Variants in LIPG observed in about 807,000 individuals in gnomAD.
LIPG encodes the protein lipase G, endothelial type, also known as endothelial lipase.
Under a neutral mutation model 51.8 loss-of-function variants are expected in LIPG, and 34 were observed. The observed-to-expected ratio is 0.66, with a 90% CI of 0.50 to 0.87. LIPG has a LOEUF of 0.87. Ranked by LOEUF, LIPG falls within the 40% of genes least tolerant of loss-of-function variation. LIPG has a pLI of 0.00. For synonymous variants in LIPG, 246 were observed against 246.1 expected, an observed-to-expected ratio of 1.00 and a Z score of 0.00; for missense variants, 580 against 652.7, an observed-to-expected ratio of 0.89 and a Z score of 1.21.
intron 3 of LIPG, among the ~76,000 whole-genome samples, chr18:49,568,661 G>T (rs1309041277): frequency 1.3e-5 from 2 of 151,924 alleles, no homozygotes; most frequent in South Asian, 2.1e-4. Flanking sequence ...GATTAGAGAC[G>T]TGAGCCACCG....
chr18:49,582,779 A>G (rs1476424129), intron 7 of LIPG, among the ~76,000 whole-genome samples: 1 of 152,240 alleles, frequency 6.6e-6, no homozygotes, highest in Non-Finnish European at 1.5e-5. Flanking sequence ...CATTTCAGGC[A>G]ATGCCTGACG....
At chr18:49,571,376 G>A (rs1330358956) in intron 4 of LIPG, among the ~76,000 whole-genome samples, 1 of 152,238 alleles carries the variant, frequency 6.6e-6, no homozygotes. Flanking sequence ...GATGGGGCTA[G>A]GGAGGGAACT....
At chr18:49,563,630 TTGG>T (rs905878516) in intron 1 of LIPG, among the ~76,000 whole-genome samples, 26 of 150,666 alleles carry the variant, frequency 1.7e-4, no homozygotes, top group African/African-American at 5.9e-4. Flanking sequence ...GTGGGGCATG[TTGG>T]TGGGGGAAGG....
At chr18:49,586,878 C>T in intron 9 of LIPG, 28 bp downstream of exon 9, 2 of 1,509,332 alleles carry the variant, frequency 1.3e-6, no homozygotes, top group Non-Finnish European at 1.8e-6. Flanking sequence ...ACACGTTCCA[C>T]CCAGGACACG....
chr18:49,573,428 A>T (rs1196013517), intron 4 of LIPG, among the ~76,000 whole-genome samples: 1 of 151,890 alleles, frequency 6.6e-6, no homozygotes, highest in Admixed American at 6.6e-5. Flanking sequence ...AAGTTATCTA[A>T]ATTTGGCTGG....
rs1459862324 is a variant in LIPG at position 49,595,344 on chromosome 18, G to A, written c.*4822G>A. 6.6e-6 allele frequency: 1 copy of A among 152,200 alleles called. No individual in the cohort carries two copies. The highest frequency in any genetic ancestry group is 1.5e-5 in the Non-Finnish European group (1 of 68,028). The allele number at this position is 152,200 out of a possible 1,614,324, so 9.4% of individuals were successfully genotyped here. On this transcript the variant is annotated 3_prime_UTR_variant, in exon 10 of 10. Coordinates refer to ENST00000261292, the MANE Select transcript of LIPG (RefSeq NM_006033.4). ...GAAAAGAGCAGTTAGTTTGGAATCA[G>A]AATTCTTGGTGTGTCATCCAGCATT...
At chr18:49,582,618 G>A in intron 7 of LIPG, 136 bp downstream of exon 7, 2 of 1,157,012 alleles carry the variant, frequency 1.7e-6, no homozygotes, top group Non-Finnish European at 1.3e-6. Context: ...GAGCCAGGTG[G>A]TCTAGCTGGC....
chr18:49,576,926 T>A (rs2084725578), intron 5 of LIPG, among the ~76,000 whole-genome samples: 1 of 152,264 alleles, frequency 6.6e-6, no homozygotes, highest in East Asian at 1.9e-4. Flanking sequence ...TGGATATTCT[T>A]AAATATCAGA....
rs2084963933 is a variant in LIPG at position 49,593,509 on chromosome 18, T to C, written c.*2987T>C. The C allele has an allele frequency of 6.6e-6, 1 of 152,228 alleles. No individual in the cohort carries two copies. The highest frequency in any genetic ancestry group is 1.5e-5 in the Non-Finnish European group (1 of 68,042). 9.4% of individuals were successfully genotyped at this position (152,228 alleles called of 1,614,324 possible). ...GCATTAGTGAGATTATTAGGTTTGG[T>C]TGAATTGGAACTAGATATCAGTGAC... is the stretch of plus-strand genomic sequence containing the variant. On this transcript the variant is annotated 3_prime_UTR_variant, in exon 10 of 10. Coordinates refer to ENST00000261292, the MANE Select transcript of LIPG (RefSeq NM_006033.4).
chr18:49,586,741 C>A lies in LIPG; in HGVS notation c.1377-5C>A. On this transcript the variant is annotated splice_region_variant and splice_polypyrimidine_tract_variant and intron_variant, in intron 8 of 9. Transcript: ENST00000261292. Reference sequence around the variant, plus strand: ...CCTACATCAGTGGTTTCTTTTCCCTCCTAGACTGACATTTTGTACAGAAGA... The same window carrying A: ...CCTACATCAGTGGTTTCTTTTCCCTACTAGACTGACATTTTGTACAGAAGA... 6.2e-7 allele frequency: 1 copy of A among 1,610,360 alleles called. No homozygotes were observed. The highest frequency in any genetic ancestry group is 8.5e-7 in the Non-Finnish European group (1 of 1,176,558).
At chr18:49,579,798 CTTTT>C (rs2084797791) in intron 5 of LIPG, among the ~76,000 whole-genome samples, 2 of 144,554 alleles carry the variant, frequency 1.4e-5, no homozygotes, top group African/African-American at 2.7e-5. Flanking sequence ...CTTTTCTTTT[CTTTT>C]CTTTTCTTTT....
chr18:49,579,192 G>C (rs1479003948), intron 5 of LIPG, among the ~76,000 whole-genome samples: 1 of 6,302 alleles, frequency 1.6e-4, no homozygotes, highest in Non-Finnish European at 2.9e-4. Flanking sequence ...GGGAGAGGGA[G>C]AGGGAGAGGG....
chr18:49,590,172 ATT>A, intron 9 of LIPG: 1 of 318,582 alleles, frequency 3.1e-6, no homozygotes, highest in East Asian at 7.0e-5. Context: ...TGTGTCCATG[ATT>A]GTGTGTGTGT....
chr18:49,588,826 AC>A (rs2084912022), intron 9 of LIPG, among the ~76,000 whole-genome samples: 1 of 152,148 alleles, frequency 6.6e-6, no homozygotes, highest in African/African-American at 2.4e-5. Flanking sequence ...GTCTCCTCAC[AC>A]CATGCCTGTC....
Position 49,567,616 on chromosome 18 carries a change from C to T in LIPG, c.454C>T (p.Leu152=), listed in dbSNP as rs774589332. The change falls in exon 3 of 10, where the codon CTG becomes TTG. Residue 152 remains leucine, a synonymous_variant. Coordinates refer to ENST00000261292, the MANE Select transcript of LIPG (RefSeq NM_006033.4). The part of the protein sequence containing the change: ...GHSIARMLDW[L]QEKDDFSLGN... The stretch of plus-strand genomic sequence containing the variant: ...CAGCATTGCCAGGATGCTCGACTGG[C>T]TGCAGGTACTGGGGGATGAGAGGGA... 1 of 1,613,896 alleles carries T rather than the reference C, an allele frequency of 6.2e-7. No homozygotes were observed. The highest frequency in any genetic ancestry group is 1.1e-5 in the South Asian group (1 of 91,074).
rs2084560246 is a variant in LIPG, at chr18:49,562,404, A to G, written c.96A>G (p.Glu32=). The G allele has an allele frequency of 3.1e-6, 5 of 1,613,514 alleles. No individual in the cohort carries two copies. The highest frequency in any genetic ancestry group is 4.2e-6 in the Non-Finnish European group (5 of 1,179,594). ...PVPFGPEGRL[E]DKLHKPKATQ... is the part of the protein sequence containing the mutation. ...CTTTTGGTCCAGAGGGACGGCTGGA[A>G]GGTAACGTGAATTTGTTTTTATTCC... The change falls in exon 1 of 10, where the codon GAA becomes GAG. Residue 32 remains glutamate, a splice_region_variant and synonymous_variant. Coordinates refer to ENST00000261292, the MANE Select transcript of LIPG (RefSeq NM_006033.4).
chr18:49,577,030 T>TTTA (rs2084727283), intron 5 of LIPG, among the ~76,000 whole-genome samples: 1 of 151,928 alleles, frequency 6.6e-6, no homozygotes, highest in Non-Finnish European at 1.5e-5. Context: ...TTATTTATTT[T>TTTA]TTTTTTATTG....
chr18:49,565,352 G>A lies in LIPG; in HGVS notation c.133G>A (p.Val45Ile), dbSNP rs767601561. ...CAAACCCAAAGCTACACAGACTGAG[G>A]TCAAACCATCTGTGAGGTTTAACCT... ...LHKPKATQTE[V>I]KPSVRFNLRT... is the part of the protein sequence containing the mutation. The change falls in exon 2 of 10, where the codon GTC becomes ATC. Residue 45 changes from valine to isoleucine, a missense_variant. Coordinates refer to ENST00000261292, the MANE Select transcript of LIPG (RefSeq NM_006033.4). The A allele has an allele frequency of 3.7e-6, 6 of 1,614,144 alleles. No individual in the cohort carries two copies. The highest frequency in any genetic ancestry group is 3.3e-5 in the South Asian group (3 of 91,086).
In LIPG at chr18:49,565,409, T is replaced by C. The variant is rs746449926; in HGVS notation, c.190T>C (p.Cys64Arg). The change falls in exon 2 of 10, where the codon TGC (cysteine) becomes CGC (arginine). Residue 64 changes from cysteine to arginine, a missense_variant. Transcript: ENST00000261292. ...RTSKDPEHEG[C>R]YLSVGHSQPL... ...CTCCAAGGACCCAGAGCATGAAGGA[T>C]GCTACCTCTCCGTCGGCCACAGCCA... The C allele has an allele frequency of 7.4e-6, 12 of 1,614,112 alleles. No homozygotes were observed. Among genetic ancestry groups the C allele is most frequent in the Non-Finnish European group, 9.3e-6 (11 of 1,180,036 alleles).
Sources: gnomAD v4.1 joint callset for allele counts (sites outside exome capture counted in the v4.1 genomes callset) on GRCh38, gnomAD v4.1.1 for gene constraint, MANE v1.5 for transcripts, NCBI Gene and HGNC (gene_info 2026-07-23, HGNC 2026-07-21) for gene names.